IL17RD: variants seen among roughly 807,000 people sequenced by gnomAD.
IL17RD encodes interleukin-17 receptor D.
A neutral mutation model predicts 80.5 loss-of-function variants in IL17RD; 52 were observed. The ratio of observed to expected loss-of-function variants is 0.65; its 90% CI spans 0.52 to 0.81. IL17RD has a LOEUF of 0.81. Ranked by LOEUF, IL17RD falls within the 40% of genes least tolerant of loss-of-function variation. The probability of loss-of-function intolerance (pLI) is 0.00; values close to 1 mark genes in which losing one functional copy is unlikely to be tolerated. For synonymous variants in IL17RD, 416 were observed against 391.8 expected, an observed-to-expected ratio of 1.06 and a Z score of -0.73; for missense variants, 1,024 against 955.1, an observed-to-expected ratio of 1.07 and a Z score of -0.95.
chr3:57,132,854 T>C (rs1707641977), intron 1 of IL17RD, among the ~76,000 whole-genome samples: 1 of 152,170 alleles, frequency 6.6e-6, no homozygotes, highest in South Asian at 2.1e-4. Flanking sequence ...AAAATACTCA[T>C]AGTGTCCACT....
chr3:57,119,553 G>A (rs2008360), intron 2 of IL17RD, among the ~76,000 whole-genome samples: 124,487 of 151,926 alleles, frequency 0.82, 52,128 homozygotes, highest in South Asian at 0.95. Context: ...AAAGAAAAGA[G>A]AAAAGAACTG....
In IL17RD at chr3:57,127,239, T is replaced by TAA. The variant is rs1553625548; in HGVS notation, c.127-6928_127-6927dup. Among the ~76,000 whole-genome samples, 33 of 98,714 alleles carry TAA rather than the reference T, an allele frequency of 3.3e-4. 2 individuals are homozygous for TAA. The East Asian group carries it at 9.8e-3, about 29-fold the overall frequency. 64.8% of individuals were successfully genotyped at this position (98,714 alleles called of 152,430 possible). A position where few individuals can be genotyped will look rare whatever the true frequency, so the allele number is the denominator to read the frequency against. ...ATATATAAATATATATAAAAATATA[T>TAA]AAATATATATATAAATATATATAAA... On this transcript the variant is annotated intron_variant, in intron 1 of 12. Coordinates refer to ENST00000296318, the MANE Select transcript of IL17RD (RefSeq NM_017563.5).
In IL17RD at chr3:57,106,291, AT is replaced by A. The variant is rs1241442414; in HGVS notation, c.551-138del. The A allele has an allele frequency of 2.5e-5, 16 of 647,654 alleles. No individual in the cohort carries two copies. In the African/African-American group the frequency reaches 2.9e-4, roughly 12 times the overall value. 40.1% of individuals were successfully genotyped at this position (647,654 alleles called of 1,614,324 possible). A position where few individuals can be genotyped will look rare whatever the true frequency, so the allele number is the denominator to read the frequency against. On this transcript the variant is annotated intron_variant, in intron 5 of 12. Transcript: ENST00000296318. ...TATAAAATACATCAATTCAATGAGG[AT>A]TTTCACTACTGTGCAGTTGTATCTT...
chr3:57,152,144 G>A (rs1559485661), intron 1 of IL17RD, among the ~76,000 whole-genome samples: 1 of 152,092 alleles, frequency 6.6e-6, no homozygotes, highest in African/African-American at 2.4e-5. Context: ...AACTCTCTCG[G>A]CTGTGACCAG....
At chr3:57,103,648 C>T (rs948740406) in intron 8 of IL17RD, among the ~76,000 whole-genome samples, 8 of 152,076 alleles carry the variant, frequency 5.3e-5, no homozygotes, top group African/African-American at 1.4e-4. Context: ...TCCTTATACT[C>T]TTATTATTTG....
In IL17RD at chr3:57,090,106, A is replaced by T. The variant is rs907142355; in HGVS notation, c.*6287T>A. The T allele has an allele frequency of 6.6e-6, 1 of 152,662 alleles. No homozygotes were observed. The highest frequency in any genetic ancestry group is 1.5e-5 in the Non-Finnish European group (1 of 68,044). 9.5% of individuals were successfully genotyped at this position (152,662 alleles called of 1,614,324 possible). A position where few individuals can be genotyped will look rare whatever the true frequency, so the allele number is the denominator to read the frequency against. ...ACAAATCAAGTCATTAACATTTTCA[A>T]TGTCAAAAATACAGCACGCTGTTAA... On this transcript the variant is annotated 3_prime_UTR_variant, in exon 13 of 13. Coordinates refer to ENST00000296318, the MANE Select transcript of IL17RD (RefSeq NM_017563.5).
At position 57,091,624 on chromosome 3, in the gene IL17RD, A is replaced by G. The variant is rs753665563; in HGVS notation, c.*4769T>C. 1 of 152,672 alleles carries G rather than the reference A, an allele frequency of 6.5e-6. No individual in the cohort carries two copies. Among genetic ancestry groups the G allele is most frequent in the Non-Finnish European group, 1.5e-5 (1 of 68,046 alleles). The allele number at this position is 152,672 out of a possible 1,614,324, so 9.5% of individuals were successfully genotyped here. A position where few individuals can be genotyped will look rare whatever the true frequency, so the allele number is the denominator to read the frequency against. On this transcript the variant is annotated 3_prime_UTR_variant, in exon 13 of 13. Coordinates refer to ENST00000296318, the MANE Select transcript of IL17RD (RefSeq NM_017563.5). ...ATGGTTTAAGTGGGTGGAATTATTT[A>G]TCACTGAAATAAAAACACCAGGGGG...
intron 1 of IL17RD, among the ~76,000 whole-genome samples, chr3:57,146,086 C>T (rs959186122): frequency 6.6e-6 from 1 of 152,178 alleles, no homozygotes; most frequent in African/African-American, 2.4e-5. Context: ...CACACACACA[C>T]ATACAAAGGA....
intron 1 of IL17RD, chr3:57,150,229 G>A (rs1388339194): frequency 6.6e-6 from 1 of 152,216 alleles, no homozygotes; most frequent in Non-Finnish European, 1.5e-5. Flanking sequence ...GGGAATCTTT[G>A]GGGTAATTGC....
At chr3:57,146,041 G>GCA (rs1297915825) in intron 1 of IL17RD, among the ~76,000 whole-genome samples, 1 of 145,956 alleles carries the variant, frequency 6.9e-6, no homozygotes, top group East Asian at 2.2e-4. Context: ...ACGCGCGCGC[G>GCA]CGCGCACACA....
chr3:57,128,058 G>T (rs761634039), intron 1 of IL17RD, among the ~76,000 whole-genome samples: 1 of 152,208 alleles, frequency 6.6e-6, no homozygotes, highest in Non-Finnish European at 1.5e-5. Context: ...ATCTGTTCAA[G>T]ATATTCTCTC....
In IL17RD at chr3:57,102,575, C is replaced by A; in HGVS notation, c.883G>T (p.Ala295Ser). 6.4e-7 allele frequency: 1 copy of A among 1,554,758 alleles called. No homozygotes were observed. The highest frequency in any genetic ancestry group is 8.8e-7 in the Non-Finnish European group (1 of 1,135,978). The stretch of plus-strand genomic sequence containing the variant: ...ATGGCCACGGCTCTGATGGGCCCGG[C>A]CCACGGGGAGTGCACTGGGAAATTT... Reference protein sequence around the residue: ...YALKPVHSPWAGPIRAVAITV... With the variant: ...YALKPVHSPWSGPIRAVAITV... Residue 295 changes from alanine (A) to serine (S), a missense_variant, in exon 10 of 13, where the codon GCC becomes TCC. Coordinates refer to ENST00000296318, the MANE Select transcript of IL17RD (RefSeq NM_017563.5).
chr3:57,110,435 A>G (rs1579271579), intron 3 of IL17RD, 124 bp from the exon 4 acceptor site: 1 of 1,039,774 alleles, frequency 9.6e-7, no homozygotes, highest in African/African-American at 1.6e-5. Flanking sequence ...AACTGTGGCC[A>G]GGGTATCTGA....
At chr3:57,154,279 T>TAC (rs779041353) in intron 1 of IL17RD, among the ~76,000 whole-genome samples, 2 of 126,340 alleles carry the variant, frequency 1.6e-5, no homozygotes, top group African/African-American at 6.5e-5. Flanking sequence ...TATATATATA[T>TAC]ATATACACAC....
chr3:57,151,680 CT>C (rs1414255386), intron 1 of IL17RD, among the ~76,000 whole-genome samples: 1 of 152,154 alleles, frequency 6.6e-6, no homozygotes, highest in Non-Finnish European at 1.5e-5. Context: ...GGAGGACTGA[CT>C]TGTGCATTTC....
chr3:57,111,991 A>G (rs564321828), intron 3 of IL17RD, among the ~76,000 whole-genome samples: 1 of 151,966 alleles, frequency 6.6e-6, no homozygotes, highest in African/African-American at 2.4e-5. Context: ...AAGAAAAAAA[A>G]ATTCATCAGT....
upstream of IL17RD, among the ~76,000 whole-genome samples, chr3:57,167,783 C>T (rs1364605032): frequency 6.6e-6 from 1 of 152,140 alleles, no homozygotes; most frequent in Non-Finnish European, 1.5e-5. Context: ...TCTCTGGTTG[C>T]GAATGAGGTA....
intron 1 of IL17RD, among the ~76,000 whole-genome samples, chr3:57,139,601 C>G (rs1474492086): frequency 1.3e-5 from 2 of 151,576 alleles, no homozygotes; most frequent in African/African-American, 4.9e-5. Context: ...GCAGCCTCTG[C>G]CTCCTGGTTC....
chr3:57,161,636 C>G (rs1039258336), intron 1 of IL17RD, among the ~76,000 whole-genome samples: 1 of 151,986 alleles, frequency 6.6e-6, no homozygotes, highest in South Asian at 2.1e-4. Flanking sequence ...TCCTCCCCCA[C>G]TGCAGGAAAA....
Sources: gnomAD v4.1 joint callset for allele counts (sites outside exome capture counted in the v4.1 genomes callset) on GRCh38, gnomAD v4.1.1 for gene constraint, MANE v1.5 for transcripts, NCBI Gene and HGNC (gene_info 2026-07-23, HGNC 2026-07-21) for gene names.